Variants in TTC28 observed in about 807,000 individuals in gnomAD.
The protein encoded by TTC28 is tetratricopeptide repeat domain 28.
In TTC28, 61 loss-of-function variants were observed where a neutral mutation model predicts 198.0. That is an observed-to-expected ratio of 0.31 (90% CI 0.25 to 0.38). The LOEUF (loss-of-function observed/expected upper bound fraction) is 0.38, where lower values mean the gene tolerates loss of function less well. Ranked by LOEUF, TTC28 falls within the 10% of genes least tolerant of loss-of-function variation. The pLI, the probability that TTC28 is intolerant of heterozygous loss-of-function variation, is 1.00. For synonymous variants in TTC28, 1,171 were observed against 1,297.8 expected (o/e 0.90, Z 2.10); for missense variants, 2,678 against 3,164.0 (o/e 0.85, Z 3.69).
intron 5 of TTC28, among the ~76,000 whole-genome samples, chr22:28,293,185 C>T (rs2044820120): frequency 6.6e-6 from 1 of 151,942 alleles, no homozygotes; most frequent in South Asian, 2.1e-4. Flanking sequence ...TTCACAATAA[C>T]CAAGATATGG....
chr22:28,371,981 C>T lies in TTC28; in HGVS notation c.382-65338G>A, dbSNP rs921508681. ...GTGTGTGCCTGTAGTCCCAGCTATT[C>T]GGGAGGCTAAGGTGGGAGGATTGCT... On this transcript the variant is annotated intron_variant, in intron 2 of 22. Coordinates refer to ENST00000397906, the MANE Select transcript of TTC28 (RefSeq NM_001145418.2). Among the ~76,000 whole-genome samples, 7 of 151,516 alleles carry T rather than the reference C, an allele frequency of 4.6e-5. No homozygotes were observed. In the South Asian group the frequency reaches 8.3e-4, roughly 18 times the overall value.
intron 12 of TTC28, among the ~76,000 whole-genome samples, chr22:28,033,157 T>TA (rs1279379216): frequency 1.1e-4 from 17 of 152,196 alleles, no homozygotes; most frequent in African/African-American, 4.1e-4. Flanking sequence ...GTTCTGTTCT[T>TA]ACTGTCAGCC....
At chr22:28,503,397 G>C (rs537577887) in intron 2 of TTC28, among the ~76,000 whole-genome samples, 3 of 152,064 alleles carry the variant, frequency 2.0e-5, no homozygotes, top group African/African-American at 7.2e-5. Context: ...ATGGGTTTTC[G>C]TATCTTTACC....
intron 12 of TTC28, among the ~76,000 whole-genome samples, chr22:28,064,388 A>C (rs1290799127): frequency 6.6e-6 from 1 of 152,096 alleles, no homozygotes; most frequent in Non-Finnish European, 1.5e-5. Context: ...AACCTCTCTG[A>C]TTCTGTGTTT....
chr22:28,061,570 G>A (rs1171179206), intron 12 of TTC28, among the ~76,000 whole-genome samples: 1 of 152,112 alleles, frequency 6.6e-6, no homozygotes, highest in Admixed American at 6.5e-5. Context: ...TCGTTCCATT[G>A]GTCTGTATCT....
chr22:28,674,648 T>C (rs965711798), intron 1 of TTC28, among the ~76,000 whole-genome samples: 1 of 151,536 alleles, frequency 6.6e-6, no homozygotes, highest in African/African-American at 2.4e-5. Flanking sequence ...GGTGAAACCA[T>C]GTCTCTACTA....
At chr22:28,594,213 C>A (rs1306809983) in intron 2 of TTC28, among the ~76,000 whole-genome samples, 2 of 150,170 alleles carry the variant, frequency 1.3e-5, no homozygotes, top group Admixed American at 1.3e-4. Flanking sequence ...TCTCTCATTC[C>A]CTGAGACCTA....
At chr22:28,513,051 C>T (rs1305649117) in intron 2 of TTC28, among the ~76,000 whole-genome samples, 1 of 143,296 alleles carries the variant, frequency 7.0e-6, no homozygotes, top group Non-Finnish European at 1.5e-5. Context: ...GTAAACGTAG[C>T]TCACTGTAAA....
intron 12 of TTC28, among the ~76,000 whole-genome samples, chr22:28,073,681 C>T (rs755882346): frequency 2.6e-5 from 4 of 152,102 alleles, no homozygotes; most frequent in African/African-American, 4.8e-5. Context: ...ATTCTTTGCC[C>T]TACTGATGTT....
intron 5 of TTC28, among the ~76,000 whole-genome samples, chr22:28,165,440 T>A (rs1374776262): frequency 6.6e-6 from 1 of 151,686 alleles, no homozygotes; most frequent in Non-Finnish European, 1.5e-5. Context: ...AAGGTCGGGT[T>A]ACCCACAAAG....
At position 28,337,090 on chromosome 22, in the gene TTC28, G is replaced by T. The variant is rs956384043; in HGVS notation, c.382-30447C>A. 5.3e-5 allele frequency among the ~76,000 whole-genome samples: 8 copies of T among 152,020 alleles called. No individual in the cohort carries two copies. The South Asian group carries it at 6.2e-4, about 12-fold the overall frequency. On this transcript the variant is annotated intron_variant, in intron 2 of 22. Transcript: ENST00000397906. ...ACATCTTTATTTCTGCCTTCATTTCGTTATGTACCCAGTAGTCATTCAGGA... is the reference window on the plus strand; with the variant it reads ...ACATCTTTATTTCTGCCTTCATTTCTTTATGTACCCAGTAGTCATTCAGGA...
chr22:28,673,324 A>T (rs998083273), intron 1 of TTC28, among the ~76,000 whole-genome samples: 2 of 152,188 alleles, frequency 1.3e-5, no homozygotes, highest in African/African-American at 4.8e-5. Context: ...CAGTGAGCAG[A>T]GATCGCGCCA....
intron 2 of TTC28, among the ~76,000 whole-genome samples, chr22:28,558,728 T>C (rs1245105327): frequency 6.7e-6 from 1 of 148,596 alleles, no homozygotes; most frequent in Non-Finnish European, 1.5e-5. Context: ...TAATAGATTA[T>C]CCTAAAGAAT....
chr22:28,328,823 A>C (rs1252997608), intron 2 of TTC28, among the ~76,000 whole-genome samples: 1 of 150,424 alleles, frequency 6.6e-6, no homozygotes, highest in Non-Finnish European at 1.5e-5. Flanking sequence ...AAGAGGTATA[A>C]GCTGAGAACT....
At chr22:28,191,247 T>C (rs1178801542) in intron 5 of TTC28, among the ~76,000 whole-genome samples, 1 of 152,196 alleles carries the variant, frequency 6.6e-6, no homozygotes, top group Non-Finnish European at 1.5e-5. Flanking sequence ...ATCCTGGTTA[T>C]AAAATAAATG....
intron 2 of TTC28, among the ~76,000 whole-genome samples, chr22:28,456,696 C>T (rs1338039860): frequency 6.6e-6 from 1 of 152,196 alleles, no homozygotes; most frequent in Non-Finnish European, 1.5e-5. Flanking sequence ...CTGCCTCAGC[C>T]TCCTGAGTAG....
chr22:28,491,953 C>T (rs2048386143), intron 2 of TTC28, among the ~76,000 whole-genome samples: 1 of 152,142 alleles, frequency 6.6e-6, no homozygotes, highest in Non-Finnish European at 1.5e-5. Flanking sequence ...AGTTCATGTC[C>T]TTTGTAGGGA....
At chr22:28,115,595 G>T (rs1247412686) in intron 6 of TTC28, among the ~76,000 whole-genome samples, 1 of 152,250 alleles carries the variant, frequency 6.6e-6, no homozygotes, top group Non-Finnish European at 1.5e-5. Flanking sequence ...ATTAAGAAAT[G>T]TAGTAGGAGG....
intron 13 of TTC28, among the ~76,000 whole-genome samples, chr22:28,023,011 C>T (rs1477833394): frequency 6.6e-6 from 1 of 152,192 alleles, no homozygotes; most frequent in East Asian, 1.9e-4. Flanking sequence ...CAGAGAAGAG[C>T]CACAAGGCTG....
Sources: gnomAD v4.1 joint callset for allele counts (sites outside exome capture counted in the v4.1 genomes callset) on GRCh38, gnomAD v4.1.1 for gene constraint, MANE v1.5 for transcripts, NCBI Gene and HGNC (gene_info 2026-07-23, HGNC 2026-07-21) for gene names.